Variants in CIPC observed in about 807,000 individuals in gnomAD.
CIPC encodes CLOCK interacting pacemaker.
Under a neutral mutation model 26.7 loss-of-function variants are expected in CIPC, and 12 were observed. The ratio of observed to expected loss-of-function variants is 0.45; its 90% CI spans 0.29 to 0.73. The LOEUF (loss-of-function observed/expected upper bound fraction) is 0.73, where lower values mean the gene tolerates loss of function less well. CIPC is among the 30% of genes least tolerant of loss of function. CIPC has a pLI of 0.12. For synonymous variants in CIPC, 170 were observed against 189.8 expected, an observed-to-expected ratio of 0.90 and a Z score of 0.86; for missense variants, 417 against 486.5, an observed-to-expected ratio of 0.86 and a Z score of 1.34.
At chr14:77,102,299 C>T (rs1307982390) in intron 1 of CIPC, among the ~76,000 whole-genome samples, 1 of 152,014 alleles carries the variant, frequency 6.6e-6, no homozygotes, top group Admixed American at 6.5e-5. Context: ...GCCAGGAAGT[C>T]GAGGCTGCAG....
chr14:77,099,870 T>C (rs1278855828), intron 1 of CIPC: 1 of 152,180 alleles, frequency 6.6e-6, no homozygotes, highest in East Asian at 1.9e-4. Flanking sequence ...AGATCAAATA[T>C]CTGTTTCCTG....
At chr14:77,107,903 A>G (rs1285013487) in intron 2 of CIPC, among the ~76,000 whole-genome samples, 3 of 152,282 alleles carry the variant, frequency 2.0e-5, no homozygotes, top group South Asian at 2.1e-4. Flanking sequence ...CCAGAATCCA[A>G]CTGAAGATTG....
chr14:77,116,815 G>T lies in CIPC; in HGVS notation c.*2497G>T, dbSNP rs1464950296. The stretch of plus-strand genomic sequence containing the variant: ...AATGGAGGAACCTCGGAGGTGACCA[G>T]AAAGATCTCCATCGGTTGCCCAAGG... On this transcript the variant is annotated 3_prime_UTR_variant, in exon 4 of 4. Coordinates refer to ENST00000361786, the MANE Select transcript of CIPC (RefSeq NM_033426.3). 2.0e-5 allele frequency: 3 copies of T among 152,258 alleles called. No individual in the cohort carries two copies. Among genetic ancestry groups the T allele is most frequent in the Non-Finnish European group, 2.9e-5 (2 of 68,058 alleles). The allele number at this position is 152,258 out of a possible 1,614,324, so 9.4% of individuals were successfully genotyped here. A position where few individuals can be genotyped will look rare whatever the true frequency, so the allele number is the denominator to read the frequency against.
At chr14:77,101,846 G>A (rs1886492052) in intron 1 of CIPC, among the ~76,000 whole-genome samples, 1 of 152,228 alleles carries the variant, frequency 6.6e-6, no homozygotes, top group African/African-American at 2.4e-5. Flanking sequence ...AGCACTTTGG[G>A]AGGCTGAGGT....
chr14:77,111,267 T>A (rs906300153), intron 3 of CIPC, among the ~76,000 whole-genome samples: 1 of 152,170 alleles, frequency 6.6e-6, no homozygotes, highest in Non-Finnish European at 1.5e-5. Context: ...CACACACAGT[T>A]ACGGAGTGAG....
In CIPC at chr14:77,113,834, G is replaced by A; in HGVS notation, c.716G>A (p.Ser239Asn). 6.2e-7 allele frequency: 1 copy of A among 1,614,112 alleles called. No individual in the cohort carries two copies. Among genetic ancestry groups the A allele is most frequent in the Non-Finnish European group, 8.5e-7 (1 of 1,180,028 alleles). ...QGVPSLVAGG[S>N]PQTLQPVSSS... ...GTGCCCTCTCTGGTGGCAGGTGGAA[G>A]TCCACAGACTCTTCAGCCGGTATCC... Residue 239 changes from serine (S) to asparagine (N), a missense_variant, in exon 4 of 4, where the codon AGT becomes AAT. Ser to Asn is a conservative substitution (Grantham distance 46). Coordinates refer to ENST00000361786, the MANE Select transcript of CIPC (RefSeq NM_033426.3).
At position 77,114,195 on chromosome 14, in the gene CIPC, G is replaced by A. The variant is rs778580909; in HGVS notation, c.1077G>A (p.Leu359=). 1 of 1,614,170 alleles carries A rather than the reference G, an allele frequency of 6.2e-7. No homozygotes were observed. Among genetic ancestry groups the A allele is most frequent in the South Asian group, 1.1e-5 (1 of 91,076 alleles). ...ELDQLKEQTQ[L]FIEATKSRAP... is the part of the protein sequence containing the mutation. ...ACCAGCTAAAGGAGCAAACCCAGCT[G>A]TTTATAGAAGCCACCAAGAGCAGGG... The change falls in exon 4 of 4, where the codon CTG becomes CTA. Residue 359 remains leucine, a synonymous_variant. Coordinates refer to ENST00000361786, the MANE Select transcript of CIPC (RefSeq NM_033426.3).
In CIPC at chr14:77,116,690, TG is replaced by T. The variant is rs1886818664; in HGVS notation, c.*2375del. On this transcript the variant is annotated 3_prime_UTR_variant, in exon 4 of 4. Coordinates refer to ENST00000361786, the MANE Select transcript of CIPC (RefSeq NM_033426.3). ...TAGAAGTCTCTCCAGGCTATTACCA[TG>T]GGCATTTGTTCTCTGTTGGAGCTGT... 6.6e-6 allele frequency: 1 copy of T among 152,178 alleles called. No individual in the cohort carries two copies. Among genetic ancestry groups the T allele is most frequent in the Non-Finnish European group, 1.5e-5 (1 of 68,036 alleles). 9.4% of individuals were successfully genotyped at this position (152,178 alleles called of 1,614,324 possible).
At chr14:77,105,377 T>G (rs1452660758) in intron 1 of CIPC, among the ~76,000 whole-genome samples, 1 of 152,226 alleles carries the variant, frequency 6.6e-6, no homozygotes, top group Non-Finnish European at 1.5e-5. Context: ...AAAAGCCTAA[T>G]CAAATGTGCC....
chr14:77,111,120 TC>T (rs1886691226), intron 3 of CIPC, among the ~76,000 whole-genome samples: 1 of 152,238 alleles, frequency 6.6e-6, no homozygotes, highest in African/African-American at 2.4e-5. Context: ...CCAGTGCTTC[TC>T]CTGGGCTTCC....
In CIPC at chr14:77,116,196, T is replaced by C. The variant is rs1273259113; in HGVS notation, c.*1878T>C. On this transcript the variant is annotated 3_prime_UTR_variant, in exon 4 of 4. Coordinates refer to ENST00000361786, the MANE Select transcript of CIPC (RefSeq NM_033426.3). Reference sequence around the variant, plus strand: ...ACTCCACTCATGAACGCAGAATTATTACCTGCTGTTTGCTTTCTGAAAGAA... The same window carrying C: ...ACTCCACTCATGAACGCAGAATTATCACCTGCTGTTTGCTTTCTGAAAGAA... The C allele has an allele frequency of 1.3e-5, 2 of 152,246 alleles. No homozygotes were observed. Among genetic ancestry groups the C allele is most frequent in the Non-Finnish European group, 2.9e-5 (2 of 68,042 alleles). 9.4% of individuals were successfully genotyped at this position (152,246 alleles called of 1,614,324 possible). A position where few individuals can be genotyped will look rare whatever the true frequency, so the allele number is the denominator to read the frequency against.
chr14:77,105,268 C>T (rs1050838351), intron 1 of CIPC, among the ~76,000 whole-genome samples: 7 of 152,198 alleles, frequency 4.6e-5, no homozygotes, highest in Admixed American at 3.9e-4. Flanking sequence ...CCCCTCTCCC[C>T]CTCCTTCTGC....
chr14:77,112,682 G>T (rs1886726876), intron 3 of CIPC, among the ~76,000 whole-genome samples: 1 of 151,626 alleles, frequency 6.6e-6, no homozygotes, highest in Non-Finnish European at 1.5e-5. Flanking sequence ...GACAATATGG[G>T]TTTTTTTCTT....
intron 3 of CIPC, among the ~76,000 whole-genome samples, chr14:77,112,841 G>C (rs2140035377): frequency 6.6e-6 from 1 of 152,116 alleles, no homozygotes; most frequent in South Asian, 2.1e-4. Context: ...CTCCCAAGTA[G>C]CTGGGACTAC....
chr14:77,100,240 CTTTTTTTTTTTTT>C (rs57785837), intron 1 of CIPC, among the ~76,000 whole-genome samples: 4 of 130,522 alleles, frequency 3.1e-5, no homozygotes, highest in African/African-American at 1.2e-4. Context: ...TTCTTTCTTT[CTTTTTTTTTTTTT>C]TTTTTTGAGA....
chr14:77,114,396 T>G lies in CIPC; in HGVS notation c.*78T>G. ...TTACCTACTCCTGTTTCCCAAAGCT[T>G]ATGTAAGAGCTTTTCCTTCTAAACT... On this transcript the variant is annotated 3_prime_UTR_variant, in exon 4 of 4. Transcript: ENST00000361786. The G allele has an allele frequency of 7.1e-7, 1 of 1,402,496 alleles. No homozygotes were observed. 86.9% of individuals were successfully genotyped at this position (1,402,496 alleles called of 1,614,324 possible).
In CIPC at chr14:77,105,778, A is replaced by T. The variant is rs571921022; in HGVS notation, c.70A>T (p.Met24Leu). 6.2e-7 allele frequency: 1 copy of T among 1,614,170 alleles called. No homozygotes were observed. Among genetic ancestry groups the T allele is most frequent in the Admixed American group, 1.7e-5 (1 of 60,032 alleles). ...TGCCAAAGTAGGCAAAGGCACAGAG[A>T]TGAAGAAAGTGGCTCGTCAGCTTGG... Reference protein sequence around the residue: ...LSAKVGKGTEMKKVARQLGMA... With the variant: ...LSAKVGKGTELKKVARQLGMA... The change falls in exon 2 of 4, where the codon ATG becomes TTG. Residue 24 changes from methionine (M) to leucine (L), a missense_variant. Coordinates refer to ENST00000361786, the MANE Select transcript of CIPC (RefSeq NM_033426.3).
Position 77,108,146 on chromosome 14 carries a change from C to G in CIPC, c.137-1666C>G, listed in dbSNP as rs375604073. ...ACTATGTTGTTGATGTTGTATCCTT[C>G]CCATTGCAACACATTTGGAGACTCA... On this transcript the variant is annotated intron_variant, in intron 2 of 3. Transcript: ENST00000361786. 2.0e-5 allele frequency among the ~76,000 whole-genome samples: 3 copies of G among 152,128 alleles called. No individual in the cohort carries two copies. The South Asian group carries it at 6.2e-4, about 32-fold the overall frequency.
Position 77,109,816 on chromosome 14 carries a change from G to A in CIPC, c.141G>A (p.Gly47=), listed in dbSNP as rs772809546. ...GACCATTCTTCTGCCCACCAGATGG[G>A]AGCTCGGAATGTCTGAGCTCTGCAG... ...ESDKDSGFSD[G]SSECLSSAEQ... The change falls in exon 3 of 4, where the codon GGG becomes GGA. Residue 47 remains glycine, a synonymous_variant. Coordinates refer to ENST00000361786, the MANE Select transcript of CIPC (RefSeq NM_033426.3). The A allele has an allele frequency of 2.5e-6, 4 of 1,610,910 alleles. No homozygotes were observed. The highest frequency in any genetic ancestry group is 3.4e-6 in the Non-Finnish European group (4 of 1,177,592).
Sources: gnomAD v4.1 joint callset for allele counts (sites outside exome capture counted in the v4.1 genomes callset) on GRCh38, gnomAD v4.1.1 for gene constraint, MANE v1.5 for transcripts, NCBI Gene and HGNC (gene_info 2026-07-23, HGNC 2026-07-21) for gene names.